The following CREB5 variants were observed in gnomAD, a reference collection of about 807,000 sequenced individuals.
CREB5 encodes cyclic AMP-responsive element-binding protein 5.
Under a neutral mutation model 57.1 loss-of-function variants are expected in CREB5, and 19 were observed. The observed-to-expected ratio is 0.33, with a 90% CI of 0.23 to 0.49. The LOEUF is 0.49. CREB5 is among the 20% of genes least tolerant of loss of function. The probability of loss-of-function intolerance (pLI) is 0.99; values close to 1 mark genes in which losing one functional copy is unlikely to be tolerated. For synonymous variants in CREB5, 238 were observed against 238.3 expected (o/e 1.00, Z 0.01); for missense variants, 579 against 671.6 (o/e 0.86, Z 1.52).
At chr7:28,685,789 C>T (rs1219969931) in intron 5 of CREB5, among the ~76,000 whole-genome samples, 1 of 151,776 alleles carries the variant, frequency 6.6e-6, no homozygotes, top group Non-Finnish European at 1.5e-5. Context: ...CCATCCCCAG[C>T]GGCACTGTTT....
chr7:28,391,017 C>A (rs1391127518), intron 1 of CREB5, among the ~76,000 whole-genome samples: 1 of 151,928 alleles, frequency 6.6e-6, no homozygotes, highest in Non-Finnish European at 1.5e-5. Flanking sequence ...ATTTTCAAGT[C>A]TTTGTTGATA....
intron 1 of CREB5, among the ~76,000 whole-genome samples, chr7:28,465,784 T>C (rs374702505): frequency 1.3e-5 from 2 of 152,206 alleles, no homozygotes; most frequent in African/African-American, 2.4e-5. Flanking sequence ...TATTTTTTTT[T>C]CCCATATGGA....
intron 7 of CREB5, among the ~76,000 whole-genome samples, chr7:28,768,317 C>T: frequency 6.6e-6 from 1 of 152,154 alleles, no homozygotes; most frequent in Non-Finnish European, 1.5e-5. Flanking sequence ...GAGGCACTTA[C>T]ACCCAATGCT....
intron 4 of CREB5, among the ~76,000 whole-genome samples, chr7:28,525,958 C>G (rs887795656): frequency 6.6e-6 from 1 of 152,130 alleles, no homozygotes; most frequent in South Asian, 2.1e-4. Flanking sequence ...CTCGATAATT[C>G]TAATTCTCTT....
intron 5 of CREB5, among the ~76,000 whole-genome samples, chr7:28,578,600 A>G (rs750002996): frequency 1.3e-5 from 2 of 152,246 alleles, no homozygotes; most frequent in Non-Finnish European, 2.9e-5. Context: ...TTTATATTCT[A>G]TAATACTATA....
chr7:28,821,198 A>C lies in CREB5; in HGVS notation c.*1919A>C, dbSNP rs1206479144. 6.6e-6 allele frequency: 1 copy of C among 151,816 alleles called. No homozygotes were observed. Among genetic ancestry groups the C allele is most frequent in the African/African-American group, 2.4e-5 (1 of 41,270 alleles). 9.4% of individuals were successfully genotyped at this position (151,816 alleles called of 1,614,324 possible). ...AAGAACAGTATTTTACAAAAGGTGTAGCTTTTATAAGAGTGCAGAAAAGGG... is the reference window on the plus strand; with the variant it reads ...AAGAACAGTATTTTACAAAAGGTGTCGCTTTTATAAGAGTGCAGAAAAGGG... On this transcript the variant is annotated 3_prime_UTR_variant, in exon 11 of 11. Coordinates refer to ENST00000357727, the MANE Select transcript of CREB5 (RefSeq NM_182898.4).
At chr7:28,582,282 A>G (rs1796148961) in intron 5 of CREB5, among the ~76,000 whole-genome samples, 1 of 152,210 alleles carries the variant, frequency 6.6e-6, no homozygotes, top group Non-Finnish European at 1.5e-5. Context: ...TTAGGGGTAG[A>G]GAAAGGCCAA....
chr7:28,746,191 C>T (rs1352739481), intron 7 of CREB5, among the ~76,000 whole-genome samples: 1 of 152,110 alleles, frequency 6.6e-6, no homozygotes, highest in African/African-American at 2.4e-5. Context: ...CGTGAAAGTT[C>T]CACCATTAAT....
chr7:28,382,356 A>T (rs1786982334), intron 1 of CREB5, among the ~76,000 whole-genome samples: 3 of 152,048 alleles, frequency 2.0e-5, no homozygotes, highest in Non-Finnish European at 4.4e-5. Flanking sequence ...TAGAAGCAAA[A>T]CCATCTGGGT....
At chr7:28,795,647 T>C (rs1481472430) in intron 7 of CREB5, among the ~76,000 whole-genome samples, 3 of 152,244 alleles carry the variant, frequency 2.0e-5, no homozygotes, top group Non-Finnish European at 4.4e-5. Flanking sequence ...AAGAGTTCTC[T>C]ATCAGCCCGC....
At chr7:28,402,511 A>G (rs897965059) in intron 1 of CREB5, among the ~76,000 whole-genome samples, 4 of 152,216 alleles carry the variant, frequency 2.6e-5, no homozygotes, top group Admixed American at 6.5e-5. Context: ...GCCCTCAGAA[A>G]TAATACCACA....
chr7:28,338,508 T>C (rs900733728), intron 1 of CREB5, among the ~76,000 whole-genome samples: 1 of 152,194 alleles, frequency 6.6e-6, no homozygotes, highest in African/African-American at 2.4e-5. Flanking sequence ...AGCTCCATTG[T>C]ATGTTATTTA....
intron 5 of CREB5, among the ~76,000 whole-genome samples, chr7:28,684,453 T>C (rs995141074): frequency 3.3e-5 from 5 of 152,232 alleles, no homozygotes; most frequent in African/African-American, 9.6e-5. Context: ...CCCAGGGTCC[T>C]GGAGACCCTT....
intron 1 of CREB5, among the ~76,000 whole-genome samples, chr7:28,432,815 TAAAA>T (rs1788779712): frequency 6.6e-6 from 1 of 152,126 alleles, no homozygotes; most frequent in African/African-American, 2.4e-5. Flanking sequence ...TTGTAGAAAA[TAAAA>T]AAGAAGAAGA....
At chr7:28,642,979 C>CATACACACACACACAT (rs1798727856) in intron 5 of CREB5, among the ~76,000 whole-genome samples, 3 of 101,184 alleles carry the variant, frequency 3.0e-5, no homozygotes, top group African/African-American at 1.1e-4. Flanking sequence ...CACACACACA[C>CATACACACACACACAT]ACACACATAC....
chr7:28,405,448 A>G (rs1041706072), intron 1 of CREB5, among the ~76,000 whole-genome samples: 7 of 152,140 alleles, frequency 4.6e-5, no homozygotes, highest in African/African-American at 1.7e-4. Context: ...GTCTCACTCT[A>G]TCATCCATGC....
At chr7:28,800,938 G>A (rs1328647218) in intron 7 of CREB5, among the ~76,000 whole-genome samples, 2 of 152,208 alleles carry the variant, frequency 1.3e-5, no homozygotes, top group African/African-American at 2.4e-5. Flanking sequence ...TAGAGAACAG[G>A]CTTTGGAGTT....
intron 1 of CREB5, among the ~76,000 whole-genome samples, chr7:28,435,124 C>G (rs568934846): frequency 1.3e-5 from 2 of 148,878 alleles, no homozygotes; most frequent in Non-Finnish European, 3.0e-5. Flanking sequence ...CTCACTCAAC[C>G]TATAACTAGC....
At chr7:28,617,744 G>A (rs1012128962) in intron 5 of CREB5, among the ~76,000 whole-genome samples, 2 of 152,154 alleles carry the variant, frequency 1.3e-5, no homozygotes, top group South Asian at 4.2e-4. Context: ...ATAATAGAGG[G>A]GGAAAAAGAG....
Sources: allele counts gnomAD v4.1 joint callset (sites outside exome capture counted in the v4.1 genomes callset), GRCh38; gene constraint gnomAD v4.1.1; transcripts MANE v1.5; gene names NCBI Gene and HGNC (gene_info 2026-07-23, HGNC 2026-07-21).